The following SLC4A4 variants were observed in gnomAD, a reference collection of about 807,000 sequenced individuals.
The protein encoded by SLC4A4 is solute carrier family 4 member 4.
Under a neutral mutation model 111.5 loss-of-function variants are expected in SLC4A4, and 27 were observed. The observed-to-expected ratio is 0.24, with a 90% confidence interval of 0.18 to 0.33. The LOEUF (loss-of-function observed/expected upper bound fraction) is 0.33. SLC4A4 is among the 10% of genes least tolerant of loss of function. The probability of loss-of-function intolerance (pLI) is 1.00; values close to 1 mark genes in which losing one functional copy is unlikely to be tolerated. For synonymous variants in SLC4A4, 443 were observed against 463.4 expected (o/e 0.96, Z 0.57); for missense variants, 909 against 1,315.5 (o/e 0.69, Z 4.78).
intron 3 of SLC4A4, among the ~76,000 whole-genome samples, chr4:71,327,778 T>G (rs1727624405): frequency 6.6e-6 from 1 of 151,986 alleles, no homozygotes; most frequent in African/African-American, 2.4e-5. Context: ...AATAATCACA[T>G]CAGGGCAAAT....
At chr4:71,444,334 T>C (rs1725033487) in intron 8 of SLC4A4, among the ~76,000 whole-genome samples, 1 of 152,200 alleles carries the variant, frequency 6.6e-6, no homozygotes, top group African/African-American at 2.4e-5. Flanking sequence ...TAATTAACTA[T>C]ATGAAAAAAC....
intron 16 of SLC4A4, among the ~76,000 whole-genome samples, chr4:71,527,427 G>A (rs1182160283): frequency 1.3e-5 from 2 of 152,084 alleles, no homozygotes; most frequent in African/African-American, 4.8e-5. Flanking sequence ...GAGCAATGGG[G>A]AAAATTAAGC....
chr4:71,391,425 T>C (rs1719249330), intron 6 of SLC4A4, among the ~76,000 whole-genome samples: 2 of 152,124 alleles, frequency 1.3e-5, no homozygotes, highest in African/African-American at 4.8e-5. Context: ...TTCTGTGCCA[T>C]AGATTCTCCT....
chr4:71,360,507 G>A (rs1560440372), intron 6 of SLC4A4, among the ~76,000 whole-genome samples: 1 of 152,070 alleles, frequency 6.6e-6, no homozygotes. Flanking sequence ...TCTGATTTAG[G>A]AAAAGAGTCA....
At chr4:71,344,084 T>C (rs78379727) in intron 4 of SLC4A4, among the ~76,000 whole-genome samples, 14,127 of 152,154 alleles carry the variant, frequency 0.093, 973 homozygotes, top group South Asian at 0.3. Context: ...TCATTTAGCA[T>C]ACCATATATC....
chr4:71,090,811 T>C (rs1471933529), intron 1 of SLC4A4, among the ~76,000 whole-genome samples: 1 of 152,244 alleles, frequency 6.6e-6, no homozygotes, highest in Non-Finnish European at 1.5e-5. Flanking sequence ...CTGTTTCAAA[T>C]GGCTCTACTA....
At chr4:71,265,842 A>G (rs1221749184) in intron 3 of SLC4A4, among the ~76,000 whole-genome samples, 1 of 152,190 alleles carries the variant, frequency 6.6e-6, no homozygotes, top group Non-Finnish European at 1.5e-5. Context: ...CTTGTCTTAT[A>G]GTTATGCTAG....
intron 16 of SLC4A4, among the ~76,000 whole-genome samples, chr4:71,528,633 T>TTA (rs1491320347): frequency 6.6e-6 from 1 of 152,076 alleles, no homozygotes; most frequent in Non-Finnish European, 1.5e-5. Context: ...GGAAACAGTC[T>TTA]TATATATATG....
chr4:71,438,271 G>A (rs898859561), intron 7 of SLC4A4, among the ~76,000 whole-genome samples: 4 of 152,128 alleles, frequency 2.6e-5, no homozygotes, highest in African/African-American at 9.7e-5. Context: ...GCTCAAACAC[G>A]CTGAAACTAA....
At chr4:71,284,740 C>A (rs1723779391) in intron 3 of SLC4A4, among the ~76,000 whole-genome samples, 1 of 152,184 alleles carries the variant, frequency 6.6e-6, no homozygotes, top group Non-Finnish European at 1.5e-5. Flanking sequence ...CTCACCTGTG[C>A]ACCTTGGTCT....
At chr4:71,147,173 T>A (rs1744198889) in intron 2 of SLC4A4, among the ~76,000 whole-genome samples, 1 of 152,180 alleles carries the variant, frequency 6.6e-6, no homozygotes, top group Non-Finnish European at 1.5e-5. Context: ...CAAACTTTTC[T>A]CTCTTTTTTG....
At chr4:71,324,794 T>G (rs1212166005) in intron 3 of SLC4A4, among the ~76,000 whole-genome samples, 5 of 152,052 alleles carry the variant, frequency 3.3e-5, no homozygotes, top group Non-Finnish European at 4.4e-5. Flanking sequence ...AAAGCTACGG[T>G]ACAGATATTT....
chr4:71,254,335 T>A (rs1721285085), intron 2 of SLC4A4, among the ~76,000 whole-genome samples: 1 of 152,176 alleles, frequency 6.6e-6, no homozygotes, highest in Admixed American at 6.6e-5. Flanking sequence ...CTTATTAGAT[T>A]TTGTAAAAAT....
chr4:71,428,451 G>A (rs147361390), intron 7 of SLC4A4, among the ~76,000 whole-genome samples: 4 of 151,930 alleles, frequency 2.6e-5, no homozygotes. Flanking sequence ...GGGTAAACTG[G>A]GACTGTTATG....
chr4:71,208,439 A>ATATATAT (rs201319521), intron 1 of SLC4A4, among the ~76,000 whole-genome samples: 22 of 142,114 alleles, frequency 1.5e-4, no homozygotes, highest in South Asian at 4.3e-4. Context: ...TCAAAAAAAA[A>ATATATAT]AAAAATATAT....
intron 3 of SLC4A4, among the ~76,000 whole-genome samples, chr4:71,325,020 T>C (rs1415563679): frequency 6.6e-6 from 1 of 151,996 alleles, no homozygotes; most frequent in Non-Finnish European, 1.5e-5. Flanking sequence ...AATACTTGGA[T>C]ACCTAAATAT....
At chr4:71,423,445 A>T (rs182393531) in intron 7 of SLC4A4, among the ~76,000 whole-genome samples, 12 of 152,366 alleles carry the variant, frequency 7.9e-5, no homozygotes, top group African/African-American at 2.9e-4. Flanking sequence ...TGCCATGCCC[A>T]TCAAGCTACC....
intron 7 of SLC4A4, among the ~76,000 whole-genome samples, chr4:71,399,463 G>A (rs7436158): frequency 3.2e-5 from 1 of 31,594 alleles, no homozygotes; most frequent in African/African-American, 9.0e-5. Context: ...CCTCCCCTCC[G>A]TTCCCCTCCC....
chr4:71,235,860 C>T (rs954871768), intron 1 of SLC4A4, among the ~76,000 whole-genome samples: 1 of 152,112 alleles, frequency 6.6e-6, no homozygotes, highest in Non-Finnish European at 1.5e-5. Context: ...GGCAGATATA[C>T]ATAGAGAAAG....
Sources: gnomAD v4.1 joint callset for allele counts (sites outside exome capture counted in the v4.1 genomes callset) on GRCh38, gnomAD v4.1.1 for gene constraint, MANE v1.5 for transcripts, NCBI Gene and HGNC (gene_info 2026-07-23, HGNC 2026-07-21) for gene names.